The following HHIPL2 variants were observed in gnomAD, a reference collection of about 807,000 sequenced individuals.
HHIPL2 encodes the protein HHIP like 2.
In HHIPL2, 61 loss-of-function variants were observed where a neutral mutation model predicts 61.0. That is an observed-to-expected ratio of 1.00 (90% CI 0.81 to 1.24). The LOEUF is 1.24. Ranked by LOEUF, HHIPL2 falls within the 50% of genes most tolerant of loss-of-function variation. The probability of loss-of-function intolerance (pLI) is 0.00; values close to 1 mark genes in which losing one functional copy is unlikely to be tolerated. For synonymous variants in HHIPL2, 343 were observed against 357.4 expected, an observed-to-expected ratio of 0.96 and a Z score of 0.45; for missense variants, 885 against 910.2, an observed-to-expected ratio of 0.97 and a Z score of 0.36.
Position 222,542,081 on chromosome 1 carries a change from A to AT in HHIPL2, c.1048dup (p.Met350AsnfsTer57), listed in dbSNP as rs1366062440. 1 of 1,614,096 alleles carries AT rather than the reference A, an allele frequency of 6.2e-7. No homozygotes were observed. The highest frequency in any genetic ancestry group is 1.1e-5 in the South Asian group (1 of 91,074). On this transcript the variant is annotated frameshift_variant, in exon 3 of 9. Transcript: ENST00000343410. LOFTEE classifies it high-confidence loss of function. ...TCCCCCGTCCCCAGTGAATATGTAC[A>AT]TATAGCCATCCAGGCCAAAAAGAAG...
rs539949017 is a variant in HHIPL2 at position 222,543,693 on chromosome 1, C to T, written c.818G>A (p.Gly273Asp). The T allele has an allele frequency of 3.1e-6, 5 of 1,614,172 alleles. No individual in the cohort carries two copies. In the South Asian group the frequency reaches 4.4e-5, roughly 14 times the overall value. The change falls in exon 2 of 9, where the codon GGC becomes GAC. Residue 273 changes from glycine (G) to aspartate (D), a missense_variant. By Grantham distance (94) the Gly-to-Asp change is moderately conservative. Coordinates refer to ENST00000343410, the MANE Select transcript of HHIPL2 (RefSeq NM_024746.4). ...GGGGTGAAAAGCCAACCCCAAGAAG[C>T]CTCTCTCATCCCCGATCCATGGGGT... ...LTTPWIGDER[G>D]FLGLAFHPKF...
chr1:222,524,031 T>C, intron 7 of HHIPL2: 1 of 281,614 alleles, frequency 3.6e-6, no homozygotes. Flanking sequence ...AAAACTAATG[T>C]TTCCCATCTG....
intron 5 of HHIPL2, among the ~76,000 whole-genome samples, chr1:222,537,720 C>T (rs907003147): frequency 6.6e-6 from 1 of 151,118 alleles, no homozygotes; most frequent in Non-Finnish European, 1.5e-5. Context: ...GTAGAATCTA[C>T]AAAAAAGCTA....
chr1:222,544,159 C>T lies in HHIPL2; in HGVS notation c.352G>A (p.Asp118Asn), dbSNP rs776221156. The T allele has an allele frequency of 3.7e-6, 6 of 1,613,254 alleles. No homozygotes were observed. Among genetic ancestry groups the T allele is most frequent in the Non-Finnish European group, 5.1e-6 (6 of 1,179,990 alleles). Residue 118 changes from aspartate to asparagine, a missense_variant, in exon 2 of 9, where the codon GAC becomes AAC. Asp to Asn is a conservative substitution (Grantham distance 23). Coordinates refer to ENST00000343410, the MANE Select transcript of HHIPL2 (RefSeq NM_024746.4). ...ECSPYAAHLYDAENTQTPLRN... is the reference protein window; with the variant it reads ...ECSPYAAHLYNAENTQTPLRN... ...AGAGGCGTCTGGGTGTTTTCGGCGT[C>T]GTAGAGGTGGGCTGCGTAGGGCGAG...
chr1:222,539,054 G>C (rs1659367355), intron 4 of HHIPL2: 1 of 406,902 alleles, frequency 2.5e-6, no homozygotes, highest in Non-Finnish European at 4.4e-6. Flanking sequence ...ACATGGCTAA[G>C]TTTTCCCCCT....
intron 7 of HHIPL2, chr1:222,524,215 A>AACAC (rs1276759413): frequency 6.4e-6 from 1 of 157,024 alleles, no homozygotes; most frequent in African/African-American, 2.4e-5. Context: ...TCTGCCTAGT[A>AACAC]ACACACACAT....
rs1470194447 is a variant in HHIPL2 at position 222,538,690 on chromosome 1, G to A, written c.1535C>T (p.Pro512Leu). ...GGYVYRGCES[P>L]NLNGLYIFGD... ...AAAGATATACAGGCCATTGAGATTTGGGGATTCACAACCACGATAGACATA... is the reference window on the plus strand; with the variant it reads ...AAAGATATACAGGCCATTGAGATTTAGGGATTCACAACCACGATAGACATA... The change falls in exon 5 of 9, where the codon CCA (proline) becomes CTA (leucine). Residue 512 changes from proline to leucine, a missense_variant. Physicochemically the swap from Pro to Leu is moderately conservative, Grantham distance 98. Transcript: ENST00000343410. The A allele has an allele frequency of 6.2e-7, 1 of 1,613,676 alleles. No individual in the cohort carries two copies. Among genetic ancestry groups the A allele is most frequent in the Non-Finnish European group, 8.5e-7 (1 of 1,179,732 alleles).
At chr1:222,541,973 A>C in intron 3 of HHIPL2, 39 bp downstream of exon 3, 2 of 1,566,470 alleles carry the variant, frequency 1.3e-6, no homozygotes, top group Non-Finnish European at 1.7e-6. Flanking sequence ...CCAGGGGCTC[A>C]CTCTGAAGGG....
At chr1:222,540,500 C>T (rs957295280) in intron 3 of HHIPL2, among the ~76,000 whole-genome samples, 159 bp from the exon 4 acceptor site, 4 of 152,104 alleles carry the variant, frequency 2.6e-5, no homozygotes, top group Admixed American at 6.6e-5. Context: ...TTTTTGTACC[C>T]GCAAGTATGA....
rs201051654 is a variant in HHIPL2 at position 222,522,839 on chromosome 1, T to G, written c.1937A>C (p.Lys646Thr). 1.9e-6 allele frequency: 3 copies of G among 1,614,212 alleles called. No homozygotes were observed. ...LKEQSEKAAR[K>T]SSSATLASGP... ...AGAAGCTAAGGTTGCACTGGAAGAT[T>G]TTCTAGCAGCTTTCTCTGATTGTTC... is the stretch of plus-strand genomic sequence containing the variant. The change falls in exon 9 of 9, where the codon AAA becomes ACA. Residue 646 changes from lysine to threonine, a missense_variant. Lys to Thr is a moderately conservative substitution (Grantham distance 78). Coordinates refer to ENST00000343410, the MANE Select transcript of HHIPL2 (RefSeq NM_024746.4).
chr1:222,528,467 C>A (rs371812433), intron 6 of HHIPL2, among the ~76,000 whole-genome samples: 2 of 152,128 alleles, frequency 1.3e-5, no homozygotes, highest in African/African-American at 4.8e-5. Context: ...ATTATCCAGG[C>A]GTGGTGGCAC....
intron 6 of HHIPL2, among the ~76,000 whole-genome samples, chr1:222,527,297 ATGTT>A (rs1390731880): frequency 1.3e-5 from 2 of 152,184 alleles, no homozygotes; most frequent in African/African-American, 4.8e-5. Context: ...TTTCACGTGT[ATGTT>A]TGTTTATCAA....
Position 222,538,305 on chromosome 1 carries a change from C to T in HHIPL2, c.1577+343G>A, listed in dbSNP as rs74148123. ...GCTACATGTACATATTCACTGGGGACGGGGGACAGGCTGGAGACCCGATCC... is the reference window on the plus strand; with the variant it reads ...GCTACATGTACATATTCACTGGGGATGGGGGACAGGCTGGAGACCCGATCC... On this transcript the variant is annotated intron_variant, in intron 5 of 8. Coordinates refer to ENST00000343410, the MANE Select transcript of HHIPL2 (RefSeq NM_024746.4). 2.2e-4 allele frequency among the ~76,000 whole-genome samples: 32 copies of T among 148,720 alleles called. 1 individual carries two copies. Among genetic ancestry groups the T allele is most frequent in the Admixed American group, 4.8e-4 (7 of 14,678 alleles).
chr1:222,535,778 G>A (rs754883453), intron 5 of HHIPL2, among the ~76,000 whole-genome samples: 1 of 151,942 alleles, frequency 6.6e-6, no homozygotes, highest in Non-Finnish European at 1.5e-5. Flanking sequence ...ATCCAAGATA[G>A]TCCCCCAAGT....
At position 222,543,899 on chromosome 1, in the gene HHIPL2, G is replaced by A. The variant is rs1571778019; in HGVS notation, c.612C>T (p.Cys204=). 6.2e-7 allele frequency: 1 copy of A among 1,614,226 alleles called. No homozygotes were observed. Among genetic ancestry groups the A allele is most frequent in the Non-Finnish European group, 8.5e-7 (1 of 1,180,042 alleles). The change falls in exon 2 of 9, where the codon TGC becomes TGT. Residue 204 remains cysteine (C), a synonymous_variant. Coordinates refer to ENST00000343410, the MANE Select transcript of HHIPL2 (RefSeq NM_024746.4). ...CCACCTCGCTCAGGCAGAGCTGCAG[G>A]CAGCCCTGAGGATCTTGGGCCACCA... The part of the protein sequence containing the change: ...LGMVAQDPQG[C]LQLCLSEVAN...
In HHIPL2 at chr1:222,538,195, G is replaced by GGTGTGTGTGTGTGTGT. The variant is rs373452655; in HGVS notation, c.1577+437_1577+452dup. Among the ~76,000 whole-genome samples, 215 of 136,322 alleles carry GGTGTGTGTGTGTGTGT rather than the reference G, an allele frequency of 1.6e-3. 3 individuals are homozygous for GGTGTGTGTGTGTGTGT. Among genetic ancestry groups the GGTGTGTGTGTGTGTGT allele is most frequent in the Non-Finnish European group, 2.2e-3 (139 of 63,198 alleles). The allele number at this position is 136,322 out of a possible 152,430, so 89.4% of individuals were successfully genotyped here. A position where few individuals can be genotyped will look rare whatever the true frequency, so the allele number is the denominator to read the frequency against. ...GGTGAGAGTGCTTATCTCTGGCTGG[G>GGTGTGTGTGTGTGTGT]GTGTGTGTGTGTGTGTGTGTGTGTG... On this transcript the variant is annotated intron_variant, in intron 5 of 8. Coordinates refer to ENST00000343410, the MANE Select transcript of HHIPL2 (RefSeq NM_024746.4).
At chr1:222,543,374 C>T (rs1659476316) in intron 2 of HHIPL2, among the ~76,000 whole-genome samples, 163 bp downstream of exon 2, 1 of 152,200 alleles carries the variant, frequency 6.6e-6, no homozygotes, top group African/African-American at 2.4e-5. Flanking sequence ...ACAGCCTTAA[C>T]TCAAGAGGCT....
chr1:222,538,048 A>ATGGAAC (rs1659338868), intron 5 of HHIPL2, among the ~76,000 whole-genome samples: 1 of 152,212 alleles, frequency 6.6e-6, no homozygotes, highest in South Asian at 2.1e-4. Context: ...TTACTGATAC[A>ATGGAAC]TGGAACAACA....
At position 222,522,640 on chromosome 1, in the gene HHIPL2, T is replaced by C. The variant is rs1480738977; in HGVS notation, c.2136A>G (p.Pro712=). Residue 712 remains proline, a synonymous_variant, in exon 9 of 9, where the codon CCA becomes CCG. Coordinates refer to ENST00000343410, the MANE Select transcript of HHIPL2 (RefSeq NM_024746.4). The part of the protein sequence containing the change: ...SLKSHSGRMR[P]SAEQKRAGRS... ...TGCCAGCTCGCTTCTGCTCTGCTGA[T>C]GGCCTCATCCTGCCACTGTGGCTTT... The C allele has an allele frequency of 6.2e-7, 1 of 1,614,010 alleles. No homozygotes were observed. The highest frequency in any genetic ancestry group is 2.2e-5 in the East Asian group (1 of 44,898).
Sources: allele counts gnomAD v4.1 joint callset (sites outside exome capture counted in the v4.1 genomes callset), GRCh38; gene constraint gnomAD v4.1.1; transcripts MANE v1.5; gene names NCBI Gene and HGNC (gene_info 2026-07-23, HGNC 2026-07-21).